The following NAALADL2 variants were observed in gnomAD, a reference collection of about 807,000 sequenced individuals.
NAALADL2 encodes N-acetylated alpha-linked acidic dipeptidase like 2.
Under a neutral mutation model 87.2 loss-of-function variants are expected in NAALADL2, and 76 were observed. The observed-to-expected ratio is 0.87, with a 90% confidence interval of 0.72 to 1.05. The LOEUF is 1.05. Among genes scored for constraint, NAALADL2 ranks in the 50% least tolerant of loss-of-function variants. The pLI is 0.00. For missense variants in NAALADL2, 1,089 were observed against 945.8 expected (o/e 1.15, Z -1.99); for synonymous variants, 354 against 331.0 (o/e 1.07, Z -0.75).
chr3:174,830,148 T>G (rs1354743794), intron 3 of NAALADL2, among the ~76,000 whole-genome samples: 1 of 136,722 alleles, frequency 7.3e-6, no homozygotes, highest in Admixed American at 7.5e-5. Flanking sequence ...ATTTTGTCTT[T>G]TGTTGCCATT....
At chr3:174,937,475 AG>A (rs1249620771) in intron 1 of NAALADL2, among the ~76,000 whole-genome samples, 1 of 152,082 alleles carries the variant, frequency 6.6e-6, no homozygotes, top group African/African-American at 2.4e-5. Flanking sequence ...ACTGTAAAAA[AG>A]TTATGAAACT....
At chr3:175,535,592 G>T (rs1036469391) in intron 9 of NAALADL2, among the ~76,000 whole-genome samples, 1 of 152,130 alleles carries the variant, frequency 6.6e-6, no homozygotes, top group African/African-American at 2.4e-5. Flanking sequence ...CAGTTCTATT[G>T]AGTGTCCATC....
chr3:174,855,807 CACACACACACACAT>C (rs1261213818), upstream of NAALADL2, among the ~76,000 whole-genome samples: 27 of 149,052 alleles, frequency 1.8e-4, no homozygotes, highest in African/African-American at 6.0e-4. Context: ...CACACACACA[CACACACACACACAT>C]GTATATGTCT....
chr3:175,009,797 T>C (rs1398934690), intron 1 of NAALADL2, among the ~76,000 whole-genome samples: 1 of 152,108 alleles, frequency 6.6e-6, no homozygotes, highest in Admixed American at 6.6e-5. Flanking sequence ...AATTTTTAAA[T>C]GCAAAATCTA....
chr3:174,930,145 AACTG>A (rs1391105822), intron 1 of NAALADL2, among the ~76,000 whole-genome samples: 1 of 152,182 alleles, frequency 6.6e-6, no homozygotes, highest in African/African-American at 2.4e-5. Flanking sequence ...TGTAAAAAGA[AACTG>A]ACTAACATTA....
At chr3:175,020,589 T>G (rs2108860450) in intron 1 of NAALADL2, among the ~76,000 whole-genome samples, 1 of 152,244 alleles carries the variant, frequency 6.6e-6, no homozygotes, top group South Asian at 2.1e-4. Context: ...ATTTGGGAAC[T>G]TAATAATTTA....
intron 2 of NAALADL2, among the ~76,000 whole-genome samples, chr3:175,167,833 C>A (rs1386982627): frequency 6.6e-6 from 1 of 151,952 alleles, no homozygotes; most frequent in Non-Finnish European, 1.5e-5. Flanking sequence ...CCTTCTATAC[C>A]CATGTCTTAT....
At chr3:175,197,141 A>T (rs943236812) in intron 2 of NAALADL2, among the ~76,000 whole-genome samples, 5 of 152,020 alleles carry the variant, frequency 3.3e-5, no homozygotes, top group African/African-American at 1.2e-4. Flanking sequence ...CAATAGCAAC[A>T]GGAGGTGGCT....
chr3:175,291,511 C>A (rs1581275587), intron 4 of NAALADL2, among the ~76,000 whole-genome samples: 2 of 151,780 alleles, frequency 1.3e-5, no homozygotes, highest in African/African-American at 4.8e-5. Flanking sequence ...TCATATATAC[C>A]TAGCCATACC....
intron 10 of NAALADL2, among the ~76,000 whole-genome samples, chr3:175,625,439 C>A (rs370822541): frequency 1.4e-4 from 21 of 151,946 alleles, no homozygotes; most frequent in African/African-American, 3.4e-4. Context: ...TATTGCAATG[C>A]GAGAAGTGCA....
chr3:175,281,119 A>ATAT (rs1553847862), intron 4 of NAALADL2, among the ~76,000 whole-genome samples: 2 of 149,316 alleles, frequency 1.3e-5, no homozygotes, highest in South Asian at 2.1e-4. Context: ...ACTTAAAAAA[A>ATAT]ATATATATAT....
intron 1 of NAALADL2, among the ~76,000 whole-genome samples, chr3:174,467,082 C>T (rs1421521548): frequency 6.6e-6 from 1 of 152,054 alleles, no homozygotes; most frequent in Non-Finnish European, 1.5e-5. Flanking sequence ...CATTGTGGAA[C>T]TCTGTATTTT....
intron 2 of NAALADL2, among the ~76,000 whole-genome samples, chr3:174,556,006 TGTGCGC>T (rs780619782): frequency 0.1 from 14,250 of 136,804 alleles, 649 homozygotes; most frequent in African/African-American, 0.14. Flanking sequence ...TGTGTGTGTG[TGTGCGC>T]GCACGTGAGT....
intron 2 of NAALADL2, among the ~76,000 whole-genome samples, chr3:175,212,262 A>T (rs1259134800): frequency 6.6e-6 from 1 of 152,026 alleles, no homozygotes; most frequent in African/African-American, 2.4e-5. Context: ...TTTGTAGAAC[A>T]TCTATACACT....
In NAALADL2 at chr3:174,703,745, CAG is replaced by C. The variant is rs1429157352; in HGVS notation, c.-114-33895_-114-33894del. 6.6e-5 allele frequency among the ~76,000 whole-genome samples: 10 copies of C among 152,284 alleles called. No homozygotes were observed. The East Asian group carries it at 1.2e-3, about 18-fold the overall frequency. Reference sequence around the variant, plus strand: ...ACAGTGCTTAGCATAGAAACCAAGACAGGGGACCGAGTTTCCCACGAAAATAT... The same window carrying C: ...ACAGTGCTTAGCATAGAAACCAAGACGGGACCGAGTTTCCCACGAAAATAT... On this transcript the variant is annotated intron_variant, in intron 2 of 3. Coordinates refer to the NAALADL2 transcript ENST00000434257.
chr3:174,795,354 T>G (rs938258995), intron 3 of NAALADL2, among the ~76,000 whole-genome samples: 2 of 152,102 alleles, frequency 1.3e-5, no homozygotes, highest in Non-Finnish European at 2.9e-5. Context: ...TGTGGCTAAT[T>G]GAGTATATGT....
At chr3:175,645,407 T>G (rs1473487742) in intron 11 of NAALADL2, among the ~76,000 whole-genome samples, 1 of 152,078 alleles carries the variant, frequency 6.6e-6, no homozygotes, top group Non-Finnish European at 1.5e-5. Context: ...CACAAAAATA[T>G]ATGTATAAAT....
intron 11 of NAALADL2, among the ~76,000 whole-genome samples, chr3:175,708,604 GAA>G (rs374500614): frequency 1.4e-5 from 2 of 145,258 alleles, no homozygotes; most frequent in African/African-American, 2.5e-5. Flanking sequence ...ACTAGGATGA[GAA>G]AAAAAAAAAC....
intron 2 of NAALADL2, among the ~76,000 whole-genome samples, chr3:174,714,592 G>C (rs1553834027): frequency 6.6e-6 from 1 of 151,614 alleles, no homozygotes; most frequent in African/African-American, 2.4e-5. Context: ...TCATGATTTG[G>C]CTGTTTGTCT....
Sources: gnomAD v4.1 joint callset for allele counts (sites outside exome capture counted in the v4.1 genomes callset) on GRCh38, gnomAD v4.1.1 for gene constraint, MANE v1.5 for transcripts, NCBI Gene and HGNC (gene_info 2026-07-23, HGNC 2026-07-21) for gene names.